CHRNA6: variants seen among roughly 807,000 people sequenced by gnomAD.
CHRNA6 encodes cholinergic receptor nicotinic alpha 6 subunit.
In CHRNA6, 31 loss-of-function variants were observed where a neutral mutation model predicts 40.9. The observed-to-expected ratio is 0.76, with a 90% confidence interval of 0.57 to 1.02. CHRNA6 has a LOEUF of 1.02. Among genes scored for constraint, CHRNA6 ranks in the 50% least tolerant of loss-of-function variants. CHRNA6 has a pLI of 0.00. For missense variants in CHRNA6, 546 were observed against 596.6 expected (o/e 0.92, Z 0.88); for synonymous variants, 222 against 221.3 (o/e 1.00, Z -0.03).
At chr8:42,755,568 C>G (rs1282360965) in intron 5 of CHRNA6, among the ~76,000 whole-genome samples, 1 of 152,166 alleles carries the variant, frequency 6.6e-6, no homozygotes, top group Non-Finnish European at 1.5e-5. Flanking sequence ...TGAGCCACCA[C>G]GCCCGGCCCT....
intron 2 of CHRNA6, among the ~76,000 whole-genome samples, chr8:42,760,641 T>C (rs1586427047): frequency 6.6e-6 from 1 of 152,120 alleles, no homozygotes; most frequent in African/African-American, 2.4e-5. Context: ...CTCACAGTCA[T>C]GCACACACAC....
intron 1 of CHRNA6, among the ~76,000 whole-genome samples, chr8:42,766,494 A>AAAAGAAAG (rs537067864): frequency 4.8e-5 from 7 of 144,970 alleles, no homozygotes; most frequent in African/African-American, 1.1e-4. Context: ...TCCGTCTCAA[A>AAAAGAAAG]AAAGAAAGAA....
At position 42,753,258 on chromosome 8, in the gene CHRNA6, CAAAG is replaced by C. The variant is rs747966071; in HGVS notation, c.1402_1405del (p.Leu468GlyfsTer4). The C allele has an allele frequency of 4.3e-6, 7 of 1,612,186 alleles. No individual in the cohort carries two copies. In the African/African-American group the frequency reaches 9.4e-5, roughly 22 times the overall value. ...AAATACACAGACAATTATAAATACC[CAAAG>C]AAATACTCTGTCCACCACCATGGCC... On this transcript the variant is annotated frameshift_variant, in exon 6 of 6. Coordinates refer to ENST00000276410, the MANE Select transcript of CHRNA6 (RefSeq NM_004198.3). LOFTEE classifies it high-confidence loss of function.
chr8:42,766,494 A>AAAAAAAGAAAGAAAG (rs1816976995), intron 1 of CHRNA6, among the ~76,000 whole-genome samples: 1 of 144,972 alleles, frequency 6.9e-6, no homozygotes, highest in Non-Finnish European at 1.5e-5. Context: ...TCCGTCTCAA[A>AAAAAAAGAAAGAAAG]AAAGAAAGAA....
chr8:42,758,632 G>A (rs1307424120), intron 3 of CHRNA6, among the ~76,000 whole-genome samples: 2 of 152,124 alleles, frequency 1.3e-5, no homozygotes, highest in Non-Finnish European at 2.9e-5. Context: ...TCAAAGTGCT[G>A]GGATTACAGG....
intron 1 of CHRNA6, among the ~76,000 whole-genome samples, chr8:42,766,308 C>G (rs562286235): frequency 1.3e-5 from 2 of 152,056 alleles, no homozygotes; most frequent in African/African-American, 2.4e-5. Flanking sequence ...CTGGCTAACA[C>G]GGTGAAACCC....
chr8:42,767,864 C>T (rs545343714), intron 1 of CHRNA6, among the ~76,000 whole-genome samples: 71 of 152,190 alleles, frequency 4.7e-4, no homozygotes, highest in African/African-American at 1.6e-3. Flanking sequence ...AGCAGTGGTC[C>T]GTTTCTAAGT....
chr8:42,756,335 G>C lies in CHRNA6; in HGVS notation c.864C>G (p.Val288=). 6.2e-7 allele frequency: 1 copy of C among 1,614,190 alleles called. No individual in the cohort carries two copies. The highest frequency in any genetic ancestry group is 8.5e-7 in the Non-Finnish European group (1 of 1,180,038). The change falls in exon 5 of 6, where the codon GTC becomes GTG. Residue 288 remains valine (V), a synonymous_variant. Coordinates refer to ENST00000276410, the MANE Select transcript of CHRNA6 (RefSeq NM_004198.3). ...ATGTGGATGGGATGGTTTCTGTGAT[G>C]ACCAGCAAAAACACAGTCAGAGAAA... The part of the protein sequence containing the change: ...VLLSLTVFLL[V]ITETIPSTSL...
intron 3 of CHRNA6, among the ~76,000 whole-genome samples, chr8:42,757,864 T>A (rs1320719942): frequency 6.7e-6 from 1 of 149,938 alleles, no homozygotes; most frequent in Non-Finnish European, 1.5e-5. Flanking sequence ...AAACCCCGTC[T>A]CTACTAAAAA....
chr8:42,756,685 A>G lies in CHRNA6; in HGVS notation c.514T>C (p.Cys172Arg), dbSNP rs757816015. 1 of 1,614,208 alleles carries G rather than the reference A, an allele frequency of 6.2e-7. No individual in the cohort carries two copies. The highest frequency in any genetic ancestry group is 8.5e-7 in the Non-Finnish European group (1 of 1,180,042). ...ITFFPFDHQN[C>R]SLKFGSWTYD... Reference sequence around the variant, plus strand: ...GTCCAGGAACCAAATTTTAGGGAACAGTTTTGATGATCAAAAGGGAAAAAG... The same window carrying G: ...GTCCAGGAACCAAATTTTAGGGAACGGTTTTGATGATCAAAAGGGAAAAAG... The change falls in exon 5 of 6, where the codon TGT (cysteine) becomes CGT (arginine). Residue 172 changes from cysteine (C) to arginine (R), a missense_variant. Around this residue, in one of 3 missense-constraint regions of CHRNA6, gnomAD observed 476 missense variants for 494.5 expected, o/e 0.96. Transcript: ENST00000276410.
chr8:42,755,084 A>C (rs1428253909), intron 5 of CHRNA6, among the ~76,000 whole-genome samples: 1 of 133,190 alleles, frequency 7.5e-6, no homozygotes, highest in African/African-American at 3.0e-5. Flanking sequence ...TCTGTCGTCT[A>C]TCTCCCAGGC....
chr8:42,759,322 T>C, intron 2 of CHRNA6: 1 of 548,822 alleles, frequency 1.8e-6, no homozygotes, highest in African/African-American at 1.9e-5. Context: ...TGAGAGGCAA[T>C]GTGGCTTTAA....
intron 1 of CHRNA6, among the ~76,000 whole-genome samples, chr8:42,766,407 G>A (rs1019127010): frequency 3.3e-5 from 5 of 152,222 alleles, no homozygotes; most frequent in Non-Finnish European, 5.9e-5. Context: ...CAGGAGAATG[G>A]CATGAACCTG....
In CHRNA6 at chr8:42,752,890, T is replaced by C. The variant is rs1042745363; in HGVS notation, c.*289A>G. ...ATTAGGCTGTATTGTAAGTCATTCT[T>C]GTCTTTAGAAGCCAAACACACAGAC... On this transcript the variant is annotated 3_prime_UTR_variant, in exon 6 of 6. Coordinates refer to ENST00000276410, the MANE Select transcript of CHRNA6 (RefSeq NM_004198.3). 1 of 262,194 alleles carries C rather than the reference T, an allele frequency of 3.8e-6. No individual in the cohort carries two copies. Among genetic ancestry groups the C allele is most frequent in the Non-Finnish European group, 7.2e-6 (1 of 139,704 alleles). 16.2% of individuals were successfully genotyped at this position (262,194 alleles called of 1,614,324 possible).
At chr8:42,753,747 A>T (rs754121278) in intron 5 of CHRNA6, among the ~76,000 whole-genome samples, 2 of 152,192 alleles carry the variant, frequency 1.3e-5, no homozygotes, top group African/African-American at 2.4e-5. Context: ...CAGGACACAT[A>T]AGAAATTTTG....
chr8:42,760,939 A>T (rs1816896383), intron 2 of CHRNA6, among the ~76,000 whole-genome samples: 1 of 152,156 alleles, frequency 6.6e-6, no homozygotes, highest in South Asian at 2.1e-4. Context: ...CCAGCAGCAG[A>T]TTCACAAGTC....
intron 2 of CHRNA6, among the ~76,000 whole-genome samples, chr8:42,760,019 T>G (rs1487319871): frequency 6.6e-6 from 1 of 152,082 alleles, no homozygotes; most frequent in African/African-American, 2.4e-5. Flanking sequence ...GAGTAACCAC[T>G]ATGTGCTCTA....
At chr8:42,761,731 G>A (rs1368637400) in intron 2 of CHRNA6, among the ~76,000 whole-genome samples, 3 of 152,256 alleles carry the variant, frequency 2.0e-5, no homozygotes, top group East Asian at 1.9e-4. Context: ...CATCTCTGCC[G>A]GAGGAGTCCA....
chr8:42,755,827 G>T lies in CHRNA6; in HGVS notation c.1353+19C>A. The T allele has an allele frequency of 6.2e-7, 1 of 1,602,178 alleles. No individual in the cohort carries two copies. Among genetic ancestry groups the T allele is most frequent in the South Asian group, 1.1e-5 (1 of 88,554 alleles). On this transcript the variant is annotated intron_variant, in intron 5 of 5. Coordinates refer to ENST00000276410, the MANE Select transcript of CHRNA6 (RefSeq NM_004198.3). ...TGCAAAGGGTGCAAGCTGGCTGGGT[G>T]GAGGGAACACACATTTACCTCCTTG...
Sources: gnomAD v4.1 joint callset for allele counts (sites outside exome capture counted in the v4.1 genomes callset) on GRCh38, gnomAD v4.1.1 for gene constraint, gnomAD v4.1.1 regional missense constraint, MANE v1.5 for transcripts, NCBI Gene and HGNC (gene_info 2026-07-23, HGNC 2026-07-21) for gene names.